SHROOM4: variants seen among roughly 807,000 people sequenced by gnomAD.
SHROOM4 encodes shroom family member 4.
SHROOM4 carries 17 observed loss-of-function variants against 80.3 expected under a neutral mutation model. The ratio of observed to expected loss-of-function variants is 0.21; its 90% CI spans 0.14 to 0.32. SHROOM4 has a LOEUF of 0.32. Among genes scored for constraint, SHROOM4 ranks in the 10% least tolerant of loss-of-function variants. The pLI is 1.00. For synonymous variants in SHROOM4, 400 were observed against 437.5 expected (o/e 0.91, Z 1.07); for missense variants, 993 against 1,140.3 (o/e 0.87, Z 1.86).
At chrX:50,740,621 G>A (rs1557267144) in intron 1 of SHROOM4, among the ~76,000 whole-genome samples, 1 of 111,460 alleles carries the variant, frequency 9.0e-6, no homozygotes, top group Non-Finnish European at 1.9e-5. Flanking sequence ...GACATGTATA[G>A]AGCACCTTAG....
intron 1 of SHROOM4, among the ~76,000 whole-genome samples, chrX:50,797,921 C>A (rs1292906490): frequency 9.0e-6 from 1 of 111,232 alleles, no homozygotes; most frequent in Non-Finnish European, 1.9e-5. Flanking sequence ...GGTTTAGGGA[C>A]ATGAATGAAG....
chrX:50,738,449 T>C (rs1269721521), intron 1 of SHROOM4, among the ~76,000 whole-genome samples: 1 of 111,284 alleles, frequency 9.0e-6, no homozygotes, highest in African/African-American at 3.3e-5. Context: ...CAGCCCCAAA[T>C]CTCCTTAAAC....
chrX:50,784,796 T>A (rs1557270907), intron 1 of SHROOM4, among the ~76,000 whole-genome samples: 1 of 112,392 alleles, frequency 8.9e-6, no homozygotes, highest in East Asian at 2.8e-4. Context: ...TAAAACATTT[T>A]ACTTTTCAAA....
Position 50,634,424 on chromosome X carries a change from G to A in SHROOM4, c.1649C>T (p.Thr550Ile). ...CSSTTKAASG[T>I]EAGEEGDSEP... The stretch of plus-strand genomic sequence containing the variant: ...GCTGTCCCCTTCTTCACCTGCCTCT[G>A]TGCCACTAGCTGCTTTAGTGGTTGA... Residue 550 changes from threonine to isoleucine, a missense_variant, in exon 4 of 9, where the codon ACA (threonine) becomes ATA (isoleucine). Physicochemically the swap from Thr to Ile is moderately conservative, Grantham distance 89. Coordinates refer to ENST00000376020, the MANE Select transcript of SHROOM4 (RefSeq NM_020717.5). 1 of 1,211,542 alleles carries A rather than the reference G, an allele frequency of 8.3e-7. No homozygotes were observed.
intron 5 of SHROOM4, among the ~76,000 whole-genome samples, chrX:50,621,503 C>T (rs1322608660): frequency 8.9e-6 from 1 of 111,937 alleles, no homozygotes. Context: ...AATTGGAGTA[C>T]ATTATGTCTA....
the SHROOM4 span, among the ~76,000 whole-genome samples, chrX:50,578,947 T>A: frequency 9.0e-6 from 1 of 111,425 alleles, no homozygotes; most frequent in South Asian, 3.8e-4. Context: ...GACTTGATAA[T>A]TAAATACTGA....
At position 50,607,384 on chromosome X, in the gene SHROOM4, G is replaced by A. The variant is rs782666583; in HGVS notation, c.3758C>T (p.Ala1253Val). 37 of 1,208,773 alleles carry A rather than the reference G, an allele frequency of 3.1e-5. No individual in the cohort carries two copies. Among genetic ancestry groups the A allele is most frequent in the Non-Finnish European group, 3.9e-5 (35 of 894,933 alleles). ...AGTATCTTTCATATGTACTTACTTG[G>A]CGGATTCAGTGGCTTCCTGTCCCGA... ...RTSGQEATES[A>V]KQEFQHFSPP... The change falls in exon 6 of 9, where the codon GCC (alanine) becomes GTC (valine). Residue 1253 changes from alanine to valine, a missense_variant. Transcript: ENST00000376020.
At chrX:50,732,473 T>C (rs1004685833) in intron 1 of SHROOM4, among the ~76,000 whole-genome samples, 1 of 110,838 alleles carries the variant, frequency 9.0e-6, no homozygotes, top group African/African-American at 3.3e-5. Context: ...GGAAAAACAA[T>C]AGAAAAAATC....
At chrX:50,673,443 C>G (rs782448969) in intron 2 of SHROOM4, among the ~76,000 whole-genome samples, 2 of 110,519 alleles carry the variant, frequency 1.8e-5, no homozygotes, top group Non-Finnish European at 3.8e-5. Flanking sequence ...AAATGGGATT[C>G]TAATTAATGT....
Position 50,795,156 on chromosome X carries a change from T to TATC in SHROOM4, c.117+18745_117+18746insGAT, listed in dbSNP as rs1318351308. Among the ~76,000 whole-genome samples, 136 of 27,764 alleles carry TATC rather than the reference T, an allele frequency of 4.9e-3. 21 individuals are homozygous for TATC. The highest frequency in any genetic ancestry group is 0.011 in the African/African-American group (115 of 10,259). The allele number at this position is 27,764 out of a possible 115,157, so 24.1% of individuals were successfully genotyped here. A position where few individuals can be genotyped will look rare whatever the true frequency, so the allele number is the denominator to read the frequency against. ...TATATATATATATATGATATATATA[T>TATC]ATATATATATGATATATATATATAT... On this transcript the variant is annotated intron_variant, in intron 1 of 8. Coordinates refer to ENST00000376020, the MANE Select transcript of SHROOM4 (RefSeq NM_020717.5).
At chrX:50,673,038 A>G (rs1172932075) in intron 2 of SHROOM4, among the ~76,000 whole-genome samples, 1 of 111,811 alleles carries the variant, frequency 8.9e-6, no homozygotes, top group Non-Finnish European at 1.9e-5. Flanking sequence ...AGTACGGCTA[A>G]AGGAAGTTCT....
chrX:50,692,668 C>A (rs1207594180), intron 2 of SHROOM4, among the ~76,000 whole-genome samples: 3 of 111,135 alleles, frequency 2.7e-5, no homozygotes, highest in Non-Finnish European at 1.9e-5. Flanking sequence ...TTGACCAATC[C>A]AAGATTTAAT....
rs1465906844 is a variant in SHROOM4, at chrX:50,595,296, G to A, written c.*1399C>T. 2 of 113,826 alleles carry A rather than the reference G, an allele frequency of 1.8e-5. No homozygotes were observed. Among genetic ancestry groups the A allele is most frequent in the African/African-American group, 6.5e-5 (2 of 30,847 alleles). 9.4% of individuals were successfully genotyped at this position (113,826 alleles called of 1,213,427 possible). A position where few individuals can be genotyped will look rare whatever the true frequency, so the allele number is the denominator to read the frequency against. On this transcript the variant is annotated 3_prime_UTR_variant, in exon 9 of 9. Coordinates refer to ENST00000376020, the MANE Select transcript of SHROOM4 (RefSeq NM_020717.5). Reference sequence around the variant, plus strand: ...GCAACAGCAGCAGTTTTAGTTGTTTGTATGCCTAAGATCCTGGCTGGGTCT... The same window carrying A: ...GCAACAGCAGCAGTTTTAGTTGTTTATATGCCTAAGATCCTGGCTGGGTCT...
intron 1 of SHROOM4, among the ~76,000 whole-genome samples, chrX:50,740,357 A>G (rs1339905447): frequency 8.9e-6 from 1 of 111,951 alleles, no homozygotes; most frequent in Admixed American, 9.5e-5. Flanking sequence ...AGAGATAAAT[A>G]AGCATATTTT....
At position 50,592,883 on chromosome X, in the gene SHROOM4, T is replaced by C. The variant is rs1304735424; in HGVS notation, c.*3812A>G. The C allele has an allele frequency of 1.8e-5, 2 of 112,436 alleles. No homozygotes were observed. The highest frequency in any genetic ancestry group is 3.7e-5 in the Non-Finnish European group (2 of 53,456). 9.3% of individuals were successfully genotyped at this position (112,436 alleles called of 1,213,427 possible). On this transcript the variant is annotated 3_prime_UTR_variant, in exon 9 of 9. Transcript: ENST00000376020. ...CCTATTGTTGACTTTTTCTGCATTC[T>C]AAACATGGGGTTAGACTGGATGTGA...
chrX:50,692,891 A>C (rs899728951), intron 2 of SHROOM4, among the ~76,000 whole-genome samples: 1 of 111,968 alleles, frequency 8.9e-6, no homozygotes, highest in Non-Finnish European at 1.9e-5. Flanking sequence ...GGATAATGGA[A>C]TAATTAAAGA....
At chrX:50,728,097 T>C (rs781984376) in intron 1 of SHROOM4, among the ~76,000 whole-genome samples, 1 of 111,533 alleles carries the variant, frequency 9.0e-6, no homozygotes, top group Non-Finnish European at 1.9e-5. Context: ...GCCATAGAAA[T>C]AGCCCAAATC....
At chrX:50,670,903 G>A (rs1932791559) in intron 2 of SHROOM4, among the ~76,000 whole-genome samples, 1 of 111,964 alleles carries the variant, frequency 8.9e-6, no homozygotes, top group Admixed American at 9.5e-5. Context: ...CCACATAAAT[G>A]TCTTCTTTTG....
chrX:50,679,440 AC>A (rs1185280983), intron 2 of SHROOM4, among the ~76,000 whole-genome samples: 5 of 111,823 alleles, frequency 4.5e-5, no homozygotes, highest in Non-Finnish European at 9.4e-5. Flanking sequence ...CTCCCTTGCT[AC>A]TGAATTATTT....
Sources: gnomAD v4.1 joint callset for allele counts (sites outside exome capture counted in the v4.1 genomes callset) on GRCh38, gnomAD v4.1.1 for gene constraint, MANE v1.5 for transcripts, NCBI Gene and HGNC (gene_info 2026-07-23, HGNC 2026-07-21) for gene names.